The following TASP1 variants were observed in gnomAD, a reference collection of about 807,000 sequenced individuals.
TASP1 encodes taspase 1, also known as threonine aspartase 1.
TASP1 carries 16 observed loss-of-function variants against 56.6 expected under a neutral mutation model. The observed-to-expected ratio is 0.28, with a 90% CI of 0.19 to 0.43. TASP1 has a LOEUF of 0.43. TASP1 is among the 20% of genes least tolerant of loss of function. The pLI, the probability that TASP1 is intolerant of heterozygous loss-of-function variation, is 1.00. For missense variants in TASP1, 393 were observed against 511.6 expected, an observed-to-expected ratio of 0.77 and a Z score of 2.24; for synonymous variants, 179 against 184.2, an observed-to-expected ratio of 0.97 and a Z score of 0.23.
chr20:13,257,256 T>C, the TASP1 span, among the ~76,000 whole-genome samples: 9 of 152,206 alleles, frequency 5.9e-5, no homozygotes, highest in Non-Finnish European at 1.0e-4. Context: ...GGCTCATGCC[T>C]GTAATCCCAG....
chr20:13,292,440 A>G, the TASP1 span: 1 of 1,603,646 alleles, frequency 6.2e-7, no homozygotes, highest in African/African-American at 1.3e-5. Flanking sequence ...GAGGAGTTTA[A>G]TGCCACCAAA....
At chr20:13,615,031 T>A (rs1481448478) in intron 4 of TASP1, among the ~76,000 whole-genome samples, 3 of 152,138 alleles carry the variant, frequency 2.0e-5, no homozygotes, top group African/African-American at 7.2e-5. Flanking sequence ...ACCATGGAAT[T>A]ATAATAATTT....
At chr20:13,361,183 A>G in the TASP1 span, among the ~76,000 whole-genome samples, 3 of 152,268 alleles carry the variant, frequency 2.0e-5, no homozygotes, top group East Asian at 5.8e-4. Flanking sequence ...GCTTTACTCA[A>G]CATGCCCTGA....
the TASP1 span, among the ~76,000 whole-genome samples, chr20:13,356,014 G>A: frequency 2.0e-5 from 3 of 152,164 alleles, no homozygotes; most frequent in Admixed American, 1.3e-4. Flanking sequence ...GCTCATTACA[G>A]TCATCTGCTA....
chr20:13,136,663 T>C, the TASP1 span, among the ~76,000 whole-genome samples: 1 of 147,404 alleles, frequency 6.8e-6, no homozygotes, highest in African/African-American at 2.5e-5. Flanking sequence ...AAATAAAAGT[T>C]ATATATTATA....
chr20:13,335,163 A>G, the TASP1 span, among the ~76,000 whole-genome samples: 1 of 152,148 alleles, frequency 6.6e-6, no homozygotes, highest in East Asian at 1.9e-4. Context: ...ACTCTTTACC[A>G]GCTTCCTGGA....
chr20:13,256,730 C>T, the TASP1 span, among the ~76,000 whole-genome samples: 9 of 152,176 alleles, frequency 5.9e-5, no homozygotes, highest in Non-Finnish European at 1.3e-4. Flanking sequence ...CAGCTGTTTA[C>T]ACCCCTAGTA....
intron 11 of TASP1, among the ~76,000 whole-genome samples, chr20:13,457,917 AT>A (rs1378069771): frequency 2.6e-5 from 4 of 152,304 alleles, no homozygotes; most frequent in East Asian, 1.9e-4. Flanking sequence ...CACCCACAGA[AT>A]TGCCTGACAG....
At chr20:13,214,550 CACACACACACACAGAGAGAGAG>C in the TASP1 span, among the ~76,000 whole-genome samples, 1 of 114,690 alleles carries the variant, frequency 8.7e-6, no homozygotes, top group Non-Finnish European at 2.0e-5. Context: ...CACACACACA[CACACACACACACAGAGAGAGAG>C]AGAGAGAGAG....
At chr20:13,511,983 A>G (rs2146723651) in intron 10 of TASP1, among the ~76,000 whole-genome samples, 1 of 151,876 alleles carries the variant, frequency 6.6e-6, no homozygotes, top group East Asian at 1.9e-4. Flanking sequence ...TATGTGCCAC[A>G]TTTTCTTAAT....
chr20:13,240,190 A>G, the TASP1 span, among the ~76,000 whole-genome samples: 5 of 152,242 alleles, frequency 3.3e-5, no homozygotes, highest in African/African-American at 7.2e-5. Context: ...ATCAGCAGAT[A>G]TTGTGCTAGG....
the TASP1 span, chr20:13,279,915 G>C: frequency 1.1e-5 from 17 of 1,607,512 alleles, no homozygotes; most frequent in Non-Finnish European, 1.4e-5. Flanking sequence ...TTACCACCTA[G>C]TAATATAAAA....
At chr20:13,574,903 G>A (rs1006582074) in intron 6 of TASP1, among the ~76,000 whole-genome samples, 1 of 151,838 alleles carries the variant, frequency 6.6e-6, no homozygotes, top group Non-Finnish European at 1.5e-5. Flanking sequence ...GAAGAGACAG[G>A]GATTCAGAAA....
chr20:13,566,671 G>C (rs2046541007), intron 7 of TASP1, among the ~76,000 whole-genome samples: 1 of 152,082 alleles, frequency 6.6e-6, no homozygotes, highest in South Asian at 2.1e-4. Flanking sequence ...TCGGGGTTAA[G>C]GTGGGAAAGA....
At chr20:13,341,405 C>T in the TASP1 span, among the ~76,000 whole-genome samples, 3 of 152,184 alleles carry the variant, frequency 2.0e-5, no homozygotes, top group Non-Finnish European at 4.4e-5. Context: ...TCACATCTAG[C>T]TTCACCACTT....
At position 13,394,630 on chromosome 20, in the gene TASP1, GT is replaced by G. The variant is rs1240174439; in HGVS notation, c.1171-4179del. On this transcript the variant is annotated intron_variant, in intron 13 of 13. Transcript: ENST00000337743. ...CTATCTCAAAAAAAAAAGAAACTTTGTTTTTTTTTTAAAGTATAGACTAACT... is the reference window on the plus strand; with the variant it reads ...CTATCTCAAAAAAAAAAGAAACTTTGTTTTTTTTTAAAGTATAGACTAACT... Among the ~76,000 whole-genome samples, 9 of 147,998 alleles carry G rather than the reference GT, an allele frequency of 6.1e-5. No homozygotes were observed. The South Asian group carries it at 6.5e-4, about 11-fold the overall frequency.
the TASP1 span, among the ~76,000 whole-genome samples, chr20:13,319,701 A>G: frequency 6.6e-6 from 1 of 152,214 alleles, no homozygotes; most frequent in African/African-American, 2.4e-5. Flanking sequence ...TGGCTACAGG[A>G]AAATGTTTGT....
intron 13 of TASP1, among the ~76,000 whole-genome samples, chr20:13,399,628 C>T (rs1458078881): frequency 1.3e-5 from 2 of 152,208 alleles, no homozygotes; most frequent in Non-Finnish European, 2.9e-5. Flanking sequence ...CTACTTCTCA[C>T]CACCTGTGTG....
chr20:13,459,087 G>A (rs2043956341), intron 11 of TASP1, among the ~76,000 whole-genome samples: 1 of 152,056 alleles, frequency 6.6e-6, no homozygotes, highest in Non-Finnish European at 1.5e-5. Flanking sequence ...AAAGATTTAT[G>A]CCCCTGGCTG....
Sources: gnomAD v4.1 joint callset for allele counts (sites outside exome capture counted in the v4.1 genomes callset) on GRCh38, gnomAD v4.1.1 for gene constraint, MANE v1.5 for transcripts, NCBI Gene and HGNC (gene_info 2026-07-23, HGNC 2026-07-21) for gene names.